Variants in SLC9A9 observed in about 807,000 individuals in gnomAD.
SLC9A9 encodes solute carrier family 9 member A9.
In SLC9A9, 62 loss-of-function variants were observed where a neutral mutation model predicts 77.8. The ratio of observed to expected loss-of-function variants is 0.80; its 90% CI spans 0.65 to 0.98. The LOEUF (loss-of-function observed/expected upper bound fraction) is 0.98, where lower values mean the gene tolerates loss of function less well. SLC9A9 is among the 50% of genes least tolerant of loss of function. The pLI is 0.00. For synonymous variants in SLC9A9, 320 were observed against 283.5 expected (o/e 1.13, Z -1.29); for missense variants, 775 against 774.9 (o/e 1.00, Z 0.00).
intron 14 of SLC9A9, among the ~76,000 whole-genome samples, chr3:143,316,879 T>C (rs931264119): frequency 6.6e-6 from 1 of 152,152 alleles, no homozygotes; most frequent in Non-Finnish European, 1.5e-5. Flanking sequence ...TTATTTCCAT[T>C]TCATAGATGA....
intron 11 of SLC9A9, among the ~76,000 whole-genome samples, chr3:143,472,754 A>T (rs2035399615): frequency 6.6e-6 from 1 of 152,280 alleles, no homozygotes; most frequent in Non-Finnish European, 1.5e-5. Context: ...CTGATTCTTC[A>T]ATAATGTCTG....
chr3:143,302,973 A>T (rs1382427823), intron 14 of SLC9A9, among the ~76,000 whole-genome samples: 2 of 152,176 alleles, frequency 1.3e-5, no homozygotes, highest in Non-Finnish European at 2.9e-5. Context: ...AACACCACGG[A>T]GGGCTTCTTG....
At chr3:143,581,598 C>G (rs1303095459) in intron 6 of SLC9A9, among the ~76,000 whole-genome samples, 2 of 151,836 alleles carry the variant, frequency 1.3e-5, no homozygotes, top group Admixed American at 6.6e-5. Flanking sequence ...ATCAGAGAAA[C>G]TAAGATCACA....
rs74434647 is a variant in SLC9A9 at position 143,546,005 on chromosome 3, A to G, written c.1089+6357T>C. ...CCTTAAAACCCAGTCATTTAGTTCA[A>G]TCATTCATTTTACAGATGGAAAAAG... On this transcript the variant is annotated intron_variant, in intron 9 of 15. Coordinates refer to ENST00000316549, the MANE Select transcript of SLC9A9 (RefSeq NM_173653.4). Among the ~76,000 whole-genome samples, 183 of 152,354 alleles carry G rather than the reference A, an allele frequency of 1.2e-3. No individual in the cohort carries two copies. In the East Asian group the frequency reaches 0.022, roughly 18 times the overall value.
chr3:143,692,482 G>A (rs1389393133), intron 5 of SLC9A9, among the ~76,000 whole-genome samples: 13 of 152,180 alleles, frequency 8.5e-5, no homozygotes, highest in Admixed American at 8.5e-4. Context: ...GAGAGTGGGT[G>A]TGGAGGGGGT....
chr3:143,652,146 CT>C, intron 6 of SLC9A9, 108 bp downstream of exon 6: 1 of 889,686 alleles, frequency 1.1e-6, no homozygotes, highest in South Asian at 1.5e-5. Context: ...ATAACAATTC[CT>C]TGAAAAAAGC....
chr3:143,610,496 T>C (rs1371931259), intron 6 of SLC9A9, among the ~76,000 whole-genome samples: 2 of 152,204 alleles, frequency 1.3e-5, no homozygotes, highest in Non-Finnish European at 1.5e-5. Context: ...TTTAGCATCA[T>C]TTCATCAAGT....
chr3:143,808,727 A>G (rs1274085666), intron 2 of SLC9A9, among the ~76,000 whole-genome samples: 1 of 152,200 alleles, frequency 6.6e-6, no homozygotes, highest in African/African-American at 2.4e-5. Flanking sequence ...TTGGACAGCT[A>G]TTTAACCTCT....
intron 14 of SLC9A9, among the ~76,000 whole-genome samples, chr3:143,270,243 A>G (rs375330783): frequency 7.9e-5 from 12 of 152,336 alleles, no homozygotes; most frequent in African/African-American, 2.4e-4. Flanking sequence ...AAATATATCT[A>G]CAAATCTGAA....
At chr3:143,673,873 T>C (rs2039196151) in intron 5 of SLC9A9, among the ~76,000 whole-genome samples, 1 of 152,154 alleles carries the variant, frequency 6.6e-6, no homozygotes, top group African/African-American at 2.4e-5. Context: ...TTTTTCTTTT[T>C]AGTCTCTTTA....
intron 9 of SLC9A9, among the ~76,000 whole-genome samples, chr3:143,535,809 T>A (rs1015522539): frequency 6.6e-5 from 10 of 152,184 alleles, no homozygotes; most frequent in African/African-American, 2.4e-4. Context: ...TATAAAATGT[T>A]CCACCCATAC....
intron 6 of SLC9A9, among the ~76,000 whole-genome samples, chr3:143,621,044 G>A (rs2038201982): frequency 6.6e-6 from 1 of 152,186 alleles, no homozygotes; most frequent in South Asian, 2.1e-4. Flanking sequence ...AGATCAAACT[G>A]CAAGGTGACA....
At chr3:143,535,211 A>G (rs1382617323) in intron 9 of SLC9A9, among the ~76,000 whole-genome samples, 1 of 152,228 alleles carries the variant, frequency 6.6e-6, no homozygotes, top group Non-Finnish European at 1.5e-5. Flanking sequence ...TCGAAGTAAA[A>G]TTAAGCTACT....
At chr3:143,829,332 C>T (rs1047791553) in intron 2 of SLC9A9, among the ~76,000 whole-genome samples, 2 of 152,148 alleles carry the variant, frequency 1.3e-5, no homozygotes, top group African/African-American at 4.8e-5. Flanking sequence ...ATCAGGCAGG[C>T]TCTGTTGATC....
intron 8 of SLC9A9, among the ~76,000 whole-genome samples, chr3:143,560,897 G>A (rs763582352): frequency 2.0e-5 from 3 of 152,136 alleles, no homozygotes; most frequent in Non-Finnish European, 4.4e-5. Flanking sequence ...AATTTGAGTT[G>A]AGGCCAAACG....
At chr3:143,333,885 G>A (rs2031847574) in intron 14 of SLC9A9, among the ~76,000 whole-genome samples, 1 of 148,366 alleles carries the variant, frequency 6.7e-6, no homozygotes, top group Non-Finnish European at 1.5e-5. Flanking sequence ...GTTTTTTGTG[G>A]AGCCCCAGGA....
At chr3:143,623,582 A>T (rs559812394) in intron 6 of SLC9A9, among the ~76,000 whole-genome samples, 1 of 152,338 alleles carries the variant, frequency 6.6e-6, no homozygotes, top group South Asian at 2.1e-4. Context: ...CAAAGACACA[A>T]CATACCAGAA....
At chr3:143,569,179 C>T (rs2037219553) in intron 8 of SLC9A9, among the ~76,000 whole-genome samples, 1 of 151,668 alleles carries the variant, frequency 6.6e-6, no homozygotes, top group Non-Finnish European at 1.5e-5. Flanking sequence ...CCTGTTATTT[C>T]CAAGTCCATC....
Position 143,578,651 on chromosome 3 carries a change from C to A in SLC9A9, c.828G>T (p.Gly276=). ...FDAAAFFQSV[G]NFLGIFAGSF... ...AGCCAGCGAAGATTCCCAGGAAATT[C>A]CCCACAGACTGGAAGAATGCTGCGG... The change falls in exon 7 of 16, where the codon GGG becomes GGT. Residue 276 remains glycine, a synonymous_variant. Transcript: ENST00000316549. 1 of 1,614,100 alleles carries A rather than the reference C, an allele frequency of 6.2e-7. No individual in the cohort carries two copies. The highest frequency in any genetic ancestry group is 8.5e-7 in the Non-Finnish European group (1 of 1,179,958).
Sources: allele counts gnomAD v4.1 joint callset (sites outside exome capture counted in the v4.1 genomes callset), GRCh38; gene constraint gnomAD v4.1.1; transcripts MANE v1.5; gene names NCBI Gene and HGNC (gene_info 2026-07-23, HGNC 2026-07-21).